NRXN3: variants seen among roughly 807,000 people sequenced by gnomAD.
NRXN3 encodes neurexin 3.
Under a neutral mutation model 137.6 loss-of-function variants are expected in NRXN3, and 32 were observed. That is an observed-to-expected ratio of 0.23 (90% CI 0.18 to 0.31). NRXN3 has a LOEUF of 0.31. Among genes scored for constraint, NRXN3 ranks in the 10% least tolerant of loss-of-function variants. The pLI is 1.00. For synonymous variants in NRXN3, 798 were observed against 784.5 expected, an observed-to-expected ratio of 1.02 and a Z score of -0.29; for missense variants, 1,574 against 2,062.5, an observed-to-expected ratio of 0.76 and a Z score of 4.59.
chr14:78,365,641 G>T (rs1294491009), intron 4 of NRXN3, among the ~76,000 whole-genome samples: 1 of 152,178 alleles, frequency 6.6e-6, no homozygotes, highest in East Asian at 1.9e-4. Context: ...AGAACAATTT[G>T]CCAGTCTTGA....
intron 16 of NRXN3, among the ~76,000 whole-genome samples, chr14:79,537,204 T>G (rs1412399169): frequency 5.9e-5 from 9 of 152,174 alleles, no homozygotes; most frequent in Non-Finnish European, 1.2e-4. Flanking sequence ...ATTTCTCTAA[T>G]GATCAGTGAT....
chr14:79,808,190 T>A lies in NRXN3; in HGVS notation c.4093+3000T>A, dbSNP rs552483109. Among the ~76,000 whole-genome samples the A allele has an allele frequency of 1.1e-3, 162 of 147,794 alleles. 2 individuals are homozygous for A. The highest frequency in any genetic ancestry group is 1.8e-3 in the African/African-American group (70 of 39,820). On this transcript the variant is annotated intron_variant, in intron 20 of 20. Transcript: ENST00000335750. The stretch of plus-strand genomic sequence containing the variant: ...AGGCAGAGGTTGCAGGGAGCCAAGA[T>A]CATGCCACTGCTCTCCAGCTTGGGC...
chr14:78,594,685 G>T (rs540811009), intron 4 of NRXN3, among the ~76,000 whole-genome samples: 1 of 152,222 alleles, frequency 6.6e-6, no homozygotes, highest in African/African-American at 2.4e-5. Context: ...TGTGTCATTG[G>T]CAATGTCCGC....
At chr14:78,674,515 A>C (rs994253264) in intron 6 of NRXN3, among the ~76,000 whole-genome samples, 1 of 152,250 alleles carries the variant, frequency 6.6e-6, no homozygotes, top group Non-Finnish European at 1.5e-5. Flanking sequence ...TTTCATGCCT[A>C]GGGCATGTAT....
intron 2 of NRXN3, among the ~76,000 whole-genome samples, chr14:78,272,991 T>A (rs898492581): frequency 5.9e-5 from 9 of 152,208 alleles, no homozygotes; most frequent in African/African-American, 2.2e-4. Flanking sequence ...CACATATGTA[T>A]ACACGCATAT....
intron 4 of NRXN3, among the ~76,000 whole-genome samples, chr14:78,571,996 C>T (rs76283512): frequency 1.1e-4 from 16 of 152,298 alleles, no homozygotes; most frequent in African/African-American, 3.9e-4. Flanking sequence ...TAGGAAGCTG[C>T]CACTTCTGTC....
intron 16 of NRXN3, among the ~76,000 whole-genome samples, chr14:79,597,797 G>A (rs1419756516): frequency 7.9e-5 from 12 of 152,004 alleles, no homozygotes; most frequent in Non-Finnish European, 1.3e-4. Flanking sequence ...CAGTCTCTTG[G>A]ATCTGTGAAA....
intron 8 of NRXN3, among the ~76,000 whole-genome samples, chr14:78,716,674 A>G (rs763963911): frequency 9.2e-5 from 14 of 152,218 alleles, no homozygotes; most frequent in Non-Finnish European, 1.8e-4. Flanking sequence ...CTGAATGACC[A>G]GTTTTCAAGG....
chr14:79,801,345 A>G (rs2099179723), intron 19 of NRXN3, among the ~76,000 whole-genome samples: 1 of 152,222 alleles, frequency 6.6e-6, no homozygotes, highest in South Asian at 2.1e-4. Context: ...ATAAAATGGA[A>G]GTAATGAATT....
chr14:79,078,290 C>G (rs529369177), intron 15 of NRXN3, among the ~76,000 whole-genome samples: 71 of 152,252 alleles, frequency 4.7e-4, no homozygotes, highest in African/African-American at 1.7e-3. Flanking sequence ...TAAAATAAAT[C>G]ACTCGCATGT....
chr14:79,107,276 G>A (rs1477506680), intron 15 of NRXN3, among the ~76,000 whole-genome samples: 1 of 152,038 alleles, frequency 6.6e-6, no homozygotes, highest in African/African-American at 2.4e-5. Flanking sequence ...CCAGTAGTGT[G>A]GTCTTCTTTG....
chr14:79,388,657 AT>A (rs2094730159), intron 15 of NRXN3, among the ~76,000 whole-genome samples: 4 of 152,072 alleles, frequency 2.6e-5, no homozygotes, highest in African/African-American at 7.2e-5. Flanking sequence ...ACTCCAGTTC[AT>A]CATATCCCTT....
intron 4 of NRXN3, among the ~76,000 whole-genome samples, chr14:78,396,570 T>C (rs2091479064): frequency 6.6e-6 from 1 of 152,240 alleles, no homozygotes; most frequent in African/African-American, 2.4e-5. Context: ...TGAGTTTTCC[T>C]AATTCCTGAA....
At chr14:78,784,178 G>A (rs781750234) in intron 8 of NRXN3, among the ~76,000 whole-genome samples, 1 of 152,056 alleles carries the variant, frequency 6.6e-6, no homozygotes, top group Non-Finnish European at 1.5e-5. Context: ...GGGGAATTGG[G>A]GAATACCTTT....
chr14:78,343,736 ACCT>A (rs772474970), intron 4 of NRXN3, among the ~76,000 whole-genome samples: 8 of 152,196 alleles, frequency 5.3e-5, no homozygotes, highest in Non-Finnish European at 1.0e-4. Flanking sequence ...CCAGCACAAA[ACCT>A]CCTCCAGCCC....
chr14:79,488,839 TG>T (rs2096683082), intron 16 of NRXN3, among the ~76,000 whole-genome samples: 1 of 152,160 alleles, frequency 6.6e-6, no homozygotes, highest in Non-Finnish European at 1.5e-5. Flanking sequence ...ATGATCTCTT[TG>T]GGGGATCCCA....
intron 4 of NRXN3, among the ~76,000 whole-genome samples, chr14:78,639,881 T>C (rs1461272115): frequency 1.3e-5 from 2 of 152,154 alleles, no homozygotes; most frequent in Non-Finnish European, 2.9e-5. Context: ...TCACAGAACA[T>C]TGAGAGGATA....
intron 1 of NRXN3, among the ~76,000 whole-genome samples, chr14:78,196,246 G>A (rs2061220798): frequency 1.3e-5 from 2 of 152,246 alleles, no homozygotes; most frequent in African/African-American, 4.8e-5. Context: ...CACCACTCAA[G>A]GGCCTATTTG....
intron 15 of NRXN3, among the ~76,000 whole-genome samples, chr14:79,064,803 A>ATATG (rs1555708011): frequency 7.7e-5 from 10 of 129,246 alleles, no homozygotes; most frequent in East Asian, 6.1e-4. Flanking sequence ...ACCCATATAT[A>ATATG]TGTGTGTGTG....
Sources: gnomAD v4.1 joint callset for allele counts (sites outside exome capture counted in the v4.1 genomes callset) on GRCh38, gnomAD v4.1.1 for gene constraint, MANE v1.5 for transcripts, NCBI Gene and HGNC (gene_info 2026-07-23, HGNC 2026-07-21) for gene names.